The following FAM171A1 variants were observed in gnomAD, a reference collection of about 807,000 sequenced individuals.
FAM171A1 encodes the protein family with sequence similarity 171 member A1, also known as protein FAM171A1.
Under a neutral mutation model 74.9 loss-of-function variants are expected in FAM171A1, and 23 were observed. The observed-to-expected ratio is 0.31, with a 90% CI of 0.22 to 0.44. The LOEUF is 0.44. Ranked by LOEUF, FAM171A1 falls within the 20% of genes least tolerant of loss-of-function variation. FAM171A1 has a pLI of 1.00. For missense variants in FAM171A1, 1,162 were observed against 1,159.2 expected, an observed-to-expected ratio of 1.00 and a Z score of -0.03; for synonymous variants, 527 against 505.7, an observed-to-expected ratio of 1.04 and a Z score of -0.57.
intron 1 of FAM171A1, among the ~76,000 whole-genome samples, chr10:15,360,243 G>A (rs1418548634): frequency 6.6e-6 from 1 of 152,132 alleles, no homozygotes. Context: ...CCGATGCTTT[G>A]CTTTTGACCT....
In FAM171A1 at chr10:15,213,560, C is replaced by T. The variant is rs192668865; in HGVS notation, c.2028G>A (p.Ala676=). Residue 676 remains alanine (A), a synonymous_variant, in exon 8 of 8, where the codon GCG becomes GCA. Transcript: ENST00000378116. This position sits in a 1 kb window ranked among gnomAD's most constrained non-coding sequence, Gnocchi z 6.8. ...CCTCACTGTTCATCTGAGCCAAAGCCGCGTCGTTCAGGGAAGCTGGGATGG... is the reference window on the plus strand; with the variant it reads ...CCTCACTGTTCATCTGAGCCAAAGCTGCGTCGTTCAGGGAAGCTGGGATGG... ...SLSIPASLND[A]ALAQMNSEVQ... 1.2e-5 allele frequency: 19 copies of T among 1,614,132 alleles called. No homozygotes were observed. Among genetic ancestry groups the T allele is most frequent in the Admixed American group, 1.2e-4 (7 of 60,018 alleles).
intron 1 of FAM171A1, among the ~76,000 whole-genome samples, chr10:15,339,893 G>A (rs1227970871): frequency 6.6e-6 from 1 of 152,188 alleles, no homozygotes; most frequent in Admixed American, 6.5e-5. Context: ...GTCTTACATG[G>A]TGGCAGACAA....
intron 6 of FAM171A1, among the ~76,000 whole-genome samples, chr10:15,218,322 G>A (rs116790290): frequency 1.1e-3 from 161 of 151,804 alleles, no homozygotes; most frequent in African/African-American, 3.6e-3. Context: ...CTCATGATTC[G>A]CCCACTTTGG....
At chr10:15,305,414 T>C (rs1192319165) in intron 1 of FAM171A1, among the ~76,000 whole-genome samples, 1 of 152,120 alleles carries the variant, frequency 6.6e-6, no homozygotes, top group East Asian at 1.9e-4. Context: ...CCATGGCTCA[T>C]GCCTATAATC....
rs774533512 is a variant in FAM171A1 at position 15,214,297 on chromosome 10, G to C, written c.1291C>G (p.Leu431Val). 2 of 1,613,618 alleles carry C rather than the reference G, an allele frequency of 1.2e-6. No homozygotes were observed. The highest frequency in any genetic ancestry group is 1.7e-6 in the Non-Finnish European group (2 of 1,179,854). ...TTATCCTCTTCCTTGCAAGAGAGGA[G>C]CTCCTCCCGGGAGCTAAATTCCTGG... ...TSQEFSSREELLSCKEEDKSQ... is the reference protein window; with the variant it reads ...TSQEFSSREEVLSCKEEDKSQ... Residue 431 changes from leucine (L) to valine (V), a missense_variant, in exon 8 of 8, where the codon CTC (leucine) becomes GTC (valine). Transcript: ENST00000378116.
intron 1 of FAM171A1, among the ~76,000 whole-genome samples, chr10:15,360,237 T>C (rs1426583560): frequency 6.6e-6 from 1 of 152,220 alleles, no homozygotes; most frequent in Non-Finnish European, 1.5e-5. Context: ...CTGGGCCCGA[T>C]GCTTTGCTTT....
intron 2 of FAM171A1, among the ~76,000 whole-genome samples, chr10:15,283,505 A>G (rs982430975): frequency 1.3e-5 from 2 of 152,180 alleles, no homozygotes; most frequent in African/African-American, 4.8e-5. Flanking sequence ...GGAGGGGGAG[A>G]GGCGTTTGCT....
chr10:15,325,443 G>A (rs995451450), intron 1 of FAM171A1, among the ~76,000 whole-genome samples: 21 of 152,210 alleles, frequency 1.4e-4, no homozygotes, highest in African/African-American at 5.1e-4. Context: ...AGGCAGCTGA[G>A]TCTGCGGTGA....
In FAM171A1 at chr10:15,221,021, T is replaced by G; in HGVS notation, c.794A>C (p.Glu265Ala). Residue 265 changes from glutamate (E) to alanine (A), a missense_variant, in exon 6 of 8, where the codon GAA becomes GCA. Transcript: ENST00000378116. ...GTATGTCCACGTCAGCTGGCTGCCT[T>G]CCTGGTGCACAAGACCCAGACCGCT... Reference protein sequence around the residue: ...LKSGLGLVHQEGSQLTWTYIA... With the variant: ...LKSGLGLVHQAGSQLTWTYIA... 6.2e-7 allele frequency: 1 copy of G among 1,614,180 alleles called. No homozygotes were observed. The highest frequency in any genetic ancestry group is 8.5e-7 in the Non-Finnish European group (1 of 1,180,030).
Position 15,371,156 on chromosome 10 carries a change from C to A in FAM171A1, c.-104G>T, listed in dbSNP as rs1836142531. The A allele has an allele frequency of 3.2e-6, 1 of 308,964 alleles. No homozygotes were observed. The highest frequency in any genetic ancestry group is 6.7e-5 in the Admixed American group (1 of 14,852). The allele number at this position is 308,964 out of a possible 1,614,324, so 19.1% of individuals were successfully genotyped here. Reference sequence around the variant, plus strand: ...GCGCCCCCCTCCATGTCGCTGGCTCCGCGCGCCGGGCCCGCCGCCCGATTG... The same window carrying A: ...GCGCCCCCCTCCATGTCGCTGGCTCAGCGCGCCGGGCCCGCCGCCCGATTG... On this transcript the variant is annotated 5_prime_UTR_variant, in exon 1 of 8. Coordinates refer to ENST00000378116, the MANE Select transcript of FAM171A1 (RefSeq NM_001010924.2).
chr10:15,231,637 A>T (rs1278369728), intron 5 of FAM171A1, among the ~76,000 whole-genome samples: 1 of 151,820 alleles, frequency 6.6e-6, no homozygotes, highest in Admixed American at 6.6e-5. Context: ...GAGTTGCCAC[A>T]CCCGCAAAAT....
intron 1 of FAM171A1, among the ~76,000 whole-genome samples, chr10:15,340,263 A>C (rs970387442): frequency 2.6e-5 from 4 of 152,136 alleles, no homozygotes; most frequent in African/African-American, 9.7e-5. Context: ...TTTTAGGAAG[A>C]GGGATGAAGG....
chr10:15,351,676 CATGGACGG>C (rs1435623485), intron 1 of FAM171A1, among the ~76,000 whole-genome samples: 1 of 149,898 alleles, frequency 6.7e-6, no homozygotes, highest in South Asian at 2.1e-4. Context: ...TGCATGGATG[CATGGACGG>C]ATGGATGGGT....
intron 3 of FAM171A1, among the ~76,000 whole-genome samples, chr10:15,272,420 T>TA (rs1834838156): frequency 6.6e-6 from 1 of 152,152 alleles, no homozygotes; most frequent in Non-Finnish European, 1.5e-5. Flanking sequence ...CAAAGAGTCT[T>TA]AGACTCCCAC....
intron 4 of FAM171A1, 109 bp downstream of exon 4, chr10:15,254,612 T>G: frequency 8.2e-7 from 1 of 1,221,536 alleles, no homozygotes; most frequent in Non-Finnish European, 1.1e-6. Flanking sequence ...TTCTGCACCT[T>G]CAGTGCCTTT....
intron 5 of FAM171A1, among the ~76,000 whole-genome samples, chr10:15,232,130 T>C (rs946595537): frequency 2.6e-5 from 4 of 152,128 alleles, no homozygotes; most frequent in Admixed American, 1.3e-4. Flanking sequence ...TGCCTACAGA[T>C]GCCATTGTGT....
rs1389722753 is a variant in FAM171A1 at position 15,214,488 on chromosome 10, G to A, written c.1100C>T (p.Ser367Leu). The change falls in exon 8 of 8, where the codon TCA becomes TTA. Residue 367 changes from serine to leucine, a missense_variant. By Grantham distance (145) the Ser-to-Leu change is moderately radical (BLOSUM62 -2). Coordinates refer to ENST00000378116, the MANE Select transcript of FAM171A1 (RefSeq NM_001010924.2). ...GCCAGGGAATTCTGACGCTCGGCGTGAAAACAGCAAGTTAATGTGTGACAT... is the reference window on the plus strand; with the variant it reads ...GCCAGGGAATTCTGACGCTCGGCGTAAAAACAGCAAGTTAATGTGTGACAT... ...TSMSHINLLFSRRASEFPGPL... is the reference protein window; with the variant it reads ...TSMSHINLLFLRRASEFPGPL... The A allele has an allele frequency of 6.2e-7, 1 of 1,614,216 alleles. No individual in the cohort carries two copies.
At chr10:15,324,048 C>T (rs1835519761) in intron 1 of FAM171A1, among the ~76,000 whole-genome samples, 1 of 152,174 alleles carries the variant, frequency 6.6e-6, no homozygotes, top group South Asian at 2.1e-4. Flanking sequence ...CAACTTTTAG[C>T]TCTAATTCCT....
rs1315763531 is a variant in FAM171A1, at chr10:15,229,174, G to C, written c.755-8114C>G. On this transcript the variant is annotated intron_variant, in intron 5 of 7. Transcript: ENST00000378116. ...CTACAGCTACATTCACACTGTGAGA[G>C]ATTTGGGAACATTTAGGGTGGGGGG... is the stretch of plus-strand genomic sequence containing the variant. Among the ~76,000 whole-genome samples the C allele has an allele frequency of 7.9e-5, 12 of 152,284 alleles. No homozygotes were observed. In the East Asian group the frequency reaches 2.3e-3, roughly 29 times the overall value.
Sources: allele counts gnomAD v4.1 joint callset (sites outside exome capture counted in the v4.1 genomes callset), GRCh38; gene constraint gnomAD v4.1.1; non-coding constraint Gnocchi (gnomAD v3.1); transcripts MANE v1.5; gene names NCBI Gene and HGNC (gene_info 2026-07-23, HGNC 2026-07-21).